Variants in PPHLN1 observed in about 807,000 individuals in gnomAD.
PPHLN1 encodes periphilin 1.
A neutral mutation model predicts 51.3 loss-of-function variants in PPHLN1; 29 were observed. That is an observed-to-expected ratio of 0.57 (90% CI 0.42 to 0.77). The LOEUF (loss-of-function observed/expected upper bound fraction) is 0.77. Ranked by LOEUF, PPHLN1 falls within the 30% of genes least tolerant of loss-of-function variation. The probability of loss-of-function intolerance (pLI) is 0.00; values close to 1 mark genes in which losing one functional copy is unlikely to be tolerated. For synonymous variants in PPHLN1, 147 were observed against 147.8 expected (o/e 0.99, Z 0.04); for missense variants, 436 against 438.4 (o/e 0.99, Z 0.05).
intron 9 of PPHLN1, among the ~76,000 whole-genome samples, chr12:42,434,705 G>GT (rs2082327325): frequency 1.3e-5 from 2 of 152,100 alleles, no homozygotes; most frequent in African/African-American, 4.8e-5. Flanking sequence ...TTTTTGTTTT[G>GT]TTTTTTGAGA....
chr12:42,372,097 C>G (rs899738616), intron 4 of PPHLN1, among the ~76,000 whole-genome samples: 3 of 152,060 alleles, frequency 2.0e-5, no homozygotes, highest in African/African-American at 7.3e-5. Flanking sequence ...CCCTATAGTG[C>G]TGTTCATATG....
downstream of PPHLN1, chr12:42,445,939 G>A (rs1423754117): frequency 5.5e-6 from 8 of 1,457,064 alleles, no homozygotes; most frequent in Non-Finnish European, 7.3e-6. Flanking sequence ...GCTAACATGG[G>A]GAAGAGGATA....
At chr12:42,439,507 TG>T (rs1476420588) in intron 9 of PPHLN1, among the ~76,000 whole-genome samples, 1 of 152,212 alleles carries the variant, frequency 6.6e-6, no homozygotes, top group Admixed American at 6.5e-5. Flanking sequence ...TGTTGTTTTT[TG>T]TTTGTTTTCT....
At chr12:42,394,989 A>G (rs1442586074) in intron 8 of PPHLN1, among the ~76,000 whole-genome samples, 2 of 152,112 alleles carry the variant, frequency 1.3e-5, no homozygotes, top group African/African-American at 4.8e-5. Flanking sequence ...TTATTAATTT[A>G]TGAACATTAA....
At chr12:42,389,961 A>G (rs2077544522) in intron 7 of PPHLN1, among the ~76,000 whole-genome samples, 1 of 152,212 alleles carries the variant, frequency 6.6e-6, no homozygotes, top group East Asian at 1.9e-4. Flanking sequence ...ATCTCAAAAC[A>G]TAAATCCTCA....
At chr12:42,381,018 T>C (rs1448857592) in intron 5 of PPHLN1, among the ~76,000 whole-genome samples, 1 of 152,200 alleles carries the variant, frequency 6.6e-6, no homozygotes, top group Non-Finnish European at 1.5e-5. Context: ...AGGTGACATC[T>C]GAAGGGTTAG....
intron 2 of PPHLN1, among the ~76,000 whole-genome samples, chr12:42,345,248 C>T (rs1476052480): frequency 6.6e-6 from 1 of 152,086 alleles, no homozygotes; most frequent in Non-Finnish European, 1.5e-5. Context: ...ATTACACACA[C>T]TTAGAGGGTC....
chr12:42,382,680 G>A (rs966508228), intron 5 of PPHLN1, among the ~76,000 whole-genome samples: 1 of 152,044 alleles, frequency 6.6e-6, no homozygotes, highest in African/African-American at 2.4e-5. Context: ...AAAAGATTAA[G>A]GTTAGTAGCA....
chr12:42,387,978 C>G (rs759741203), intron 7 of PPHLN1, among the ~76,000 whole-genome samples: 15 of 152,250 alleles, frequency 9.9e-5, no homozygotes, highest in Admixed American at 3.3e-4. Flanking sequence ...TCGCCATTCT[C>G]TAGTCTCGAT....
intron 2 of PPHLN1, among the ~76,000 whole-genome samples, chr12:42,348,750 T>C (rs768310742): frequency 6.6e-6 from 1 of 152,182 alleles, no homozygotes; most frequent in East Asian, 1.9e-4. Context: ...TATTCTGATT[T>C]TATGAGTGAC....
intron 9 of PPHLN1, among the ~76,000 whole-genome samples, chr12:42,441,040 C>T (rs1593049535): frequency 6.6e-6 from 1 of 152,216 alleles, no homozygotes; most frequent in African/African-American, 2.4e-5. Context: ...TTTGAGTAGA[C>T]TGCCTTACAC....
rs2081473829 is a variant in PPHLN1 at position 42,426,226 on chromosome 12, A to ACC, written c.910-15088_910-15087insCC. On this transcript the variant is annotated intron_variant, in intron 9 of 9. Transcript: ENST00000358314. ...CACACACACACACACACACACACAC[A>ACC]CACCCTCATGCATTGTCTCATGGCA... is the stretch of plus-strand genomic sequence containing the variant. Among the ~76,000 whole-genome samples, 4 of 123,196 alleles carry ACC rather than the reference A, an allele frequency of 3.2e-5. 1 individual carries two copies. The highest frequency in any genetic ancestry group is 9.8e-5 in the African/African-American group (3 of 30,504). The allele number at this position is 123,196 out of a possible 152,430, so 80.8% of individuals were successfully genotyped here.
Position 42,393,601 on chromosome 12 carries a change from A to G in PPHLN1, c.680A>G (p.Lys227Arg). 1 of 1,609,782 alleles carries G rather than the reference A, an allele frequency of 6.2e-7. No individual in the cohort carries two copies. The change falls in exon 8 of 10, where the codon AAG becomes AGG. Residue 227 changes from lysine to arginine, a missense_variant. Physicochemically the swap from Lys to Arg is conservative, Grantham distance 26. Transcript: ENST00000358314. ...VLDKPSRLTE[K>R]ELAEAASKWA... ...GACAAACCCAGTAGGCTAACTGAAA[A>G]GGAACTTGCTGAGGCTGCAAGCAAG...
chr12:42,366,484 C>T (rs547066101), intron 4 of PPHLN1, among the ~76,000 whole-genome samples: 1 of 152,170 alleles, frequency 6.6e-6, no homozygotes, highest in Non-Finnish European at 1.5e-5. Flanking sequence ...CTCCTCGGCT[C>T]CCAAAGTGCT....
chr12:42,386,278 G>A (rs966699491), intron 6 of PPHLN1, among the ~76,000 whole-genome samples: 2 of 152,198 alleles, frequency 1.3e-5, no homozygotes, highest in African/African-American at 2.4e-5. Context: ...AAAAATATCT[G>A]CACATACTAC....
chr12:42,415,476 C>T (rs1345870623), intron 9 of PPHLN1, among the ~76,000 whole-genome samples: 1 of 152,194 alleles, frequency 6.6e-6, no homozygotes, highest in African/African-American at 2.4e-5. Context: ...TAGCCAAAAC[C>T]TGTCATTTTC....
chr12:42,414,451 A>T (rs1273485308), intron 9 of PPHLN1, among the ~76,000 whole-genome samples: 3 of 152,210 alleles, frequency 2.0e-5, no homozygotes, highest in Non-Finnish European at 4.4e-5. Flanking sequence ...CTTTTTCAGC[A>T]GCTTCTTGTA....
At chr12:42,445,952 C>T (rs1169579121), downstream of PPHLN1, 9 of 1,473,562 alleles carry the variant, frequency 6.1e-6, no homozygotes, top group Middle Eastern at 1.8e-4. Context: ...AGAGGATATG[C>T]TTGTGTTCAC....
At chr12:42,368,653 C>A (rs982204824) in intron 4 of PPHLN1, among the ~76,000 whole-genome samples, 1 of 152,066 alleles carries the variant, frequency 6.6e-6, no homozygotes, top group African/African-American at 2.4e-5. Flanking sequence ...TCACAGAACC[C>A]CCTTTTATGT....
Sources: gnomAD v4.1 joint callset for allele counts (sites outside exome capture counted in the v4.1 genomes callset) on GRCh38, gnomAD v4.1.1 for gene constraint, MANE v1.5 for transcripts, NCBI Gene and HGNC (gene_info 2026-07-23, HGNC 2026-07-21) for gene names.